Variants in SPON2 observed in about 807,000 individuals in gnomAD.
The protein encoded by SPON2 is spondin 2, also known as spondin-2.
In SPON2, 32 loss-of-function variants were observed where a neutral mutation model predicts 29.9. The ratio of observed to expected loss-of-function variants is 1.07; its 90% CI spans 0.81 to 1.44. SPON2 has a LOEUF of 1.44. SPON2 is among the 40% of genes most tolerant of loss of function. The pLI, the probability that SPON2 is intolerant of heterozygous loss-of-function variation, is 0.00. For synonymous variants in SPON2, 248 were observed against 209.1 expected, an observed-to-expected ratio of 1.19 and a Z score of -1.61; for missense variants, 541 against 455.5, an observed-to-expected ratio of 1.19 and a Z score of -1.71.
intron 2 of SPON2, among the ~76,000 whole-genome samples, chr4:1,179,014 G>T (rs892724001): frequency 6.6e-6 from 1 of 152,154 alleles, no homozygotes; most frequent in Non-Finnish European, 1.5e-5. Context: ...AATCAGGTCA[G>T]GGAATCCAGA....
At chr4:1,197,709 G>T (rs1728100171), upstream of SPON2, among the ~76,000 whole-genome samples, 2 of 151,960 alleles carry the variant, frequency 1.3e-5, no homozygotes, top group Non-Finnish European at 2.9e-5. Context: ...TTTTCTGAAA[G>T]AAATAAAATA....
intron 2 of SPON2, 141 bp downstream of exon 2, chr4:1,171,711 C>T (rs1374495447): frequency 5.1e-6 from 4 of 792,044 alleles, no homozygotes; most frequent in Admixed American, 4.8e-5. Context: ...ACACCGCAGG[C>T]GCTCGGCAAA....
intron 5 of SPON2, chr4:1,168,003 C>T (rs746641733): frequency 8.1e-5 from 21 of 259,402 alleles, no homozygotes; most frequent in Non-Finnish European, 1.4e-4. Context: ...TAGAAAGCTG[C>T]TCTGCCCGAG....
At chr4:1,191,526 G>A (rs1251976389) in intron 1 of SPON2, among the ~76,000 whole-genome samples, 2 of 152,314 alleles carry the variant, frequency 1.3e-5, no homozygotes, top group Non-Finnish European at 1.5e-5. Flanking sequence ...AGGAGTAGAC[G>A]GACAGGGTTG....
chr4:1,179,598 C>G (rs1198079403), intron 1 of SPON2: 1 of 152,186 alleles, frequency 6.6e-6, no homozygotes, highest in Non-Finnish European at 1.5e-5. Context: ...CAAAGGCGTG[C>G]AGCAATCTAT....
chr4:1,200,211 C>T (rs956941087), intron 1 of SPON2, among the ~76,000 whole-genome samples: 1 of 152,142 alleles, frequency 6.6e-6, no homozygotes, highest in African/African-American at 2.4e-5. Context: ...GGGTGAGAAA[C>T]GCTTCCCTGT....
intron 2 of SPON2, 50 bp downstream of exon 2, chr4:1,171,802 C>T (rs1339142996): frequency 1.2e-5 from 16 of 1,356,672 alleles, no homozygotes; most frequent in Non-Finnish European, 1.6e-5. Context: ...GGGGCTCCGG[C>T]GCCGCAGCCC....
intron 1 of SPON2, among the ~76,000 whole-genome samples, chr4:1,191,734 G>A (rs6820344): frequency 0.48 from 73,046 of 152,084 alleles, 18,105 homozygotes; most frequent in Non-Finnish European, 0.54. Context: ...AGGCCTCCTC[G>A]GGCTGTGTAG....
chr4:1,172,915 C>CT (rs1727511570), upstream of SPON2: 1 of 101,012 alleles, frequency 9.9e-6, no homozygotes. Flanking sequence ...TCCCCTCCTC[C>CT]CCTCCCCTCC....
At chr4:1,192,105 G>T (rs951167945) in intron 1 of SPON2, among the ~76,000 whole-genome samples, 2 of 152,258 alleles carry the variant, frequency 1.3e-5, no homozygotes, top group African/African-American at 2.4e-5. Context: ...TCCAGCTCAG[G>T]CCTGTCCACG....
upstream of SPON2, among the ~76,000 whole-genome samples, chr4:1,198,231 C>T (rs898362517): frequency 3.9e-5 from 6 of 152,178 alleles, no homozygotes; most frequent in East Asian, 1.9e-4. Context: ...GCCATGTTGT[C>T]GTGGGTGTAA....
chr4:1,195,489 T>TCCGCCCCCCCCCCCCC (rs1728045728), upstream of SPON2, among the ~76,000 whole-genome samples: 3 of 145,914 alleles, frequency 2.1e-5, no homozygotes, highest in South Asian at 2.3e-4. Context: ...CACCTGAACC[T>TCCGCCCCCCCCCCCCC]CCCCCCGCCT....
chr4:1,167,606 G>A lies in SPON2; in HGVS notation c.862C>T (p.Leu288=), dbSNP rs749296171. 2 of 1,613,492 alleles carry A rather than the reference G, an allele frequency of 1.2e-6. No individual in the cohort carries two copies. The highest frequency in any genetic ancestry group is 1.7e-5 in the Admixed American group (1 of 60,014). ...CEVSLWSSWG[L]CGGHCGRLGT... ...AGCCTCCCACAGTGGCCTCCGCACA[G>A]TCCCCAGGACGACCACAGGGAGACC... is the stretch of plus-strand genomic sequence containing the variant. The change falls in exon 6 of 6, where the codon CTG becomes TTG. Residue 288 remains leucine (L), a synonymous_variant. Coordinates refer to ENST00000290902, the MANE Select transcript of SPON2 (RefSeq NM_012445.4).
chr4:1,176,866 TCA>T (rs1012969951), upstream of SPON2, among the ~76,000 whole-genome samples: 2 of 151,882 alleles, frequency 1.3e-5, no homozygotes, highest in Admixed American at 6.5e-5. Flanking sequence ...ATTCATTCAT[TCA>T]CACACTTCAT....
upstream of SPON2, among the ~76,000 whole-genome samples, chr4:1,196,669 C>T (rs1471601702): frequency 6.6e-6 from 1 of 152,174 alleles, no homozygotes; most frequent in Admixed American, 6.5e-5. Flanking sequence ...TGTGTGCCAG[C>T]AGAGAGAGCA....
At chr4:1,193,461 G>T (rs1173840589) in intron 1 of SPON2, among the ~76,000 whole-genome samples, 1 of 151,302 alleles carries the variant, frequency 6.6e-6, no homozygotes. Flanking sequence ...GAATAGGAGT[G>T]TGGGGGAGCT....
intron 1 of SPON2, chr4:1,207,833 T>A (rs984585058): frequency 6.5e-6 from 1 of 154,164 alleles, no homozygotes; most frequent in Non-Finnish European, 1.4e-5. Flanking sequence ...CGGCTGAGGC[T>A]GTCCAGGGCA....
At chr4:1,185,795 C>T (rs1482798407) in intron 1 of SPON2, among the ~76,000 whole-genome samples, 2 of 151,316 alleles carry the variant, frequency 1.3e-5, no homozygotes, top group Non-Finnish European at 2.9e-5. Context: ...AAATGTAATA[C>T]CTAAAACTAT....
chr4:1,176,865 T>G (rs1727613482), upstream of SPON2, among the ~76,000 whole-genome samples: 1 of 151,780 alleles, frequency 6.6e-6, no homozygotes, highest in Non-Finnish European at 1.5e-5. Context: ...CATTCATTCA[T>G]TCACACACTT....
Sources: gnomAD v4.1 joint callset for allele counts (sites outside exome capture counted in the v4.1 genomes callset) on GRCh38, gnomAD v4.1.1 for gene constraint, MANE v1.5 for transcripts, NCBI Gene and HGNC (gene_info 2026-07-23, HGNC 2026-07-21) for gene names.